The following CFAP299 variants were observed in gnomAD, a reference collection of about 807,000 sequenced individuals.
The protein encoded by CFAP299 is cilia- and flagella-associated protein 299.
A neutral mutation model predicts 27.0 loss-of-function variants in CFAP299; 21 were observed. That is an observed-to-expected ratio of 0.78 (90% CI 0.55 to 1.12). The LOEUF is 1.12. CFAP299 is among the 50% of genes most tolerant of loss of function. CFAP299 has a pLI of 0.00. For synonymous variants in CFAP299, 104 were observed against 98.1 expected (o/e 1.06, Z -0.36); for missense variants, 310 against 276.6 (o/e 1.12, Z -0.86).
rs186923855 is a variant in CFAP299, at chr4:80,892,932, A to T, written c.476+22797A>T. On this transcript the variant is annotated intron_variant, in intron 4 of 5. Coordinates refer to ENST00000358105, the MANE Select transcript of CFAP299 (RefSeq NM_152770.3). ...GCTTCCAAATCAGAAAGGAAGAGGT[A>T]TGACTATCTCTATTTGCAGATGACA... Among the ~76,000 whole-genome samples the T allele has an allele frequency of 1.7e-3, 254 of 152,166 alleles. 2 individuals are homozygous for T. The highest frequency in any genetic ancestry group is 5.7e-3 in the African/African-American group (237 of 41,552).
chr4:80,809,460 T>G (rs1160735748), intron 3 of CFAP299, among the ~76,000 whole-genome samples: 1 of 152,130 alleles, frequency 6.6e-6, no homozygotes, highest in Non-Finnish European at 1.5e-5. Flanking sequence ...CCCTTTGCAT[T>G]CTGTGAAAGG....
At chr4:80,562,874 C>A (rs1389874488) in intron 2 of CFAP299, among the ~76,000 whole-genome samples, 3 of 151,180 alleles carry the variant, frequency 2.0e-5, no homozygotes, top group Non-Finnish European at 4.4e-5. Flanking sequence ...TCAATGGATA[C>A]CAAAAAAGAG....
At chr4:80,771,147 C>T (rs1726192525) in intron 3 of CFAP299, among the ~76,000 whole-genome samples, 1 of 152,126 alleles carries the variant, frequency 6.6e-6, no homozygotes, top group Non-Finnish European at 1.5e-5. Context: ...CACAGTAGCA[C>T]AGCCACAATC....
chr4:80,473,933 A>G (rs756918333), intron 2 of CFAP299, among the ~76,000 whole-genome samples: 23 of 152,188 alleles, frequency 1.5e-4, no homozygotes, highest in African/African-American at 4.1e-4. Context: ...AAAAAATTGT[A>G]CTATTAAAAA....
intron 3 of CFAP299, among the ~76,000 whole-genome samples, chr4:80,674,721 T>C (rs1402565415): frequency 6.6e-6 from 1 of 152,168 alleles, no homozygotes; most frequent in East Asian, 1.9e-4. Flanking sequence ...TTTTCATTTC[T>C]TTTTACTCTT....
At chr4:80,547,695 C>T (rs1734304757) in intron 2 of CFAP299, among the ~76,000 whole-genome samples, 1 of 151,796 alleles carries the variant, frequency 6.6e-6, no homozygotes, top group African/African-American at 2.4e-5. Flanking sequence ...AACCAATAAC[C>T]CCATCAAAAA....
chr4:80,875,976 G>T (rs947036402), intron 4 of CFAP299, among the ~76,000 whole-genome samples: 42 of 152,118 alleles, frequency 2.8e-4, no homozygotes, highest in South Asian at 1.2e-3. Context: ...CCCTCAGGTT[G>T]TTCCATACCG....
chr4:80,381,824 T>C (rs1247870982), intron 2 of CFAP299, among the ~76,000 whole-genome samples: 2 of 152,228 alleles, frequency 1.3e-5, no homozygotes, highest in African/African-American at 2.4e-5. Flanking sequence ...TAGTTCATTA[T>C]GATCTGCTGC....
At chr4:80,753,497 G>A (rs1473864450) in intron 3 of CFAP299, among the ~76,000 whole-genome samples, 1 of 152,016 alleles carries the variant, frequency 6.6e-6, no homozygotes, top group Non-Finnish European at 1.5e-5. Context: ...GTCATGATTG[G>A]TGTGCTCTGA....
At chr4:80,684,469 G>A (rs1437401973) in intron 3 of CFAP299, among the ~76,000 whole-genome samples, 3 of 152,050 alleles carry the variant, frequency 2.0e-5, no homozygotes, top group East Asian at 1.9e-4. Flanking sequence ...GTTTCACCGC[G>A]TTAGCCAGGA....
intron 3 of CFAP299, among the ~76,000 whole-genome samples, chr4:80,796,045 G>A (rs1185580203): frequency 2.0e-5 from 3 of 152,118 alleles, no homozygotes; most frequent in Non-Finnish European, 4.4e-5. Flanking sequence ...CTATTGCAGT[G>A]CCTTCTCCTG....
chr4:80,362,295 A>G (rs1723586443), intron 1 of CFAP299, among the ~76,000 whole-genome samples: 1 of 151,896 alleles, frequency 6.6e-6, no homozygotes, highest in South Asian at 2.1e-4. Context: ...ATTGACTTCA[A>G]GGAAGTAAGG....
intron 5 of CFAP299, among the ~76,000 whole-genome samples, chr4:80,949,042 C>T (rs1475909424): frequency 2.0e-5 from 3 of 152,158 alleles, no homozygotes; most frequent in South Asian, 2.1e-4. Flanking sequence ...TGCTTTCATA[C>T]CTTCTTGTGC....
intron 3 of CFAP299, among the ~76,000 whole-genome samples, chr4:80,593,111 G>C (rs1024224158): frequency 6.6e-6 from 1 of 152,084 alleles, no homozygotes; most frequent in Non-Finnish European, 1.5e-5. Context: ...GTCTTCACAG[G>C]GTTGTTCTGT....
intron 3 of CFAP299, among the ~76,000 whole-genome samples, chr4:80,814,075 A>C (rs1729300515): frequency 6.6e-6 from 1 of 151,998 alleles, no homozygotes; most frequent in Non-Finnish European, 1.5e-5. Flanking sequence ...AAAGTACTGG[A>C]AAGTTTTATT....
intron 3 of CFAP299, among the ~76,000 whole-genome samples, chr4:80,800,217 A>T (rs1277868784): frequency 1.3e-5 from 1 of 74,952 alleles, no homozygotes; most frequent in East Asian, 4.4e-4. Context: ...TATAATATAT[A>T]TTATAATATA....
chr4:80,481,667 T>A (rs1423156517), intron 2 of CFAP299, among the ~76,000 whole-genome samples: 1 of 152,044 alleles, frequency 6.6e-6, no homozygotes. Flanking sequence ...CGCGTGACCC[T>A]GAGGGCTAAA....
intron 2 of CFAP299, among the ~76,000 whole-genome samples, chr4:80,557,959 T>G (rs1488242525): frequency 6.6e-6 from 1 of 151,954 alleles, no homozygotes; most frequent in Non-Finnish European, 1.5e-5. Context: ...TGTTTTCAAG[T>G]GCACACTTGA....
chr4:80,347,830 C>G (rs945905439), intron 1 of CFAP299, among the ~76,000 whole-genome samples: 1 of 152,126 alleles, frequency 6.6e-6, no homozygotes, highest in African/African-American at 2.4e-5. Flanking sequence ...CAAGACAATC[C>G]TAAGCATAAA....
Sources: gnomAD v4.1 joint callset for allele counts (sites outside exome capture counted in the v4.1 genomes callset) on GRCh38, gnomAD v4.1.1 for gene constraint, MANE v1.5 for transcripts, NCBI Gene and HGNC (gene_info 2026-07-23, HGNC 2026-07-21) for gene names.